The following LYST variants were observed in gnomAD, a reference collection of about 807,000 sequenced individuals.
LYST encodes lysosomal trafficking regulator.
In LYST, 192 loss-of-function variants were observed where a neutral mutation model predicts 413.6. The ratio of observed to expected loss-of-function variants is 0.46; its 90% CI spans 0.41 to 0.52. LYST has a LOEUF of 0.52. Ranked by LOEUF, LYST falls within the 20% of genes least tolerant of loss-of-function variation. The pLI is 0.00. For missense variants in LYST, 3,815 were observed against 4,499.9 expected (o/e 0.85, Z 4.35); for synonymous variants, 1,525 against 1,567.3 (o/e 0.97, Z 0.64).
At chr1:235,817,645 A>G (rs549722252) in intron 3 of LYST, among the ~76,000 whole-genome samples, 2 of 152,172 alleles carry the variant, frequency 1.3e-5, no homozygotes, top group African/African-American at 2.4e-5. Context: ...TTCTCACTTT[A>G]TAAGTGGGAG....
At chr1:235,762,128 A>T (rs1351938824) in intron 22 of LYST, among the ~76,000 whole-genome samples, 2 of 151,172 alleles carry the variant, frequency 1.3e-5, no homozygotes, top group Non-Finnish European at 3.0e-5. Flanking sequence ...TGTAATTATA[A>T]AAAAAAAAGA....
At position 235,773,919 on chromosome 1, in the gene LYST, C is replaced by T. The variant is rs1484438477; in HGVS notation, c.5707G>A (p.Asp1903Asn). Residue 1903 changes from aspartate to asparagine, a missense_variant, in exon 19 of 53, where the codon GAC (aspartate) becomes AAC (asparagine). Physicochemically the swap from Asp to Asn is conservative, Grantham distance 23. Coordinates refer to ENST00000389793, the MANE Select transcript of LYST (RefSeq NM_000081.4). ...NENGEFKLDV[D>N]SNAIIQDVKL... ...ACATCTTGGATTATAGCATTAGAGT[C>T]TACATCCAACTTAAACTCTCCATTC... The T allele has an allele frequency of 5.0e-6, 8 of 1,600,642 alleles. No individual in the cohort carries two copies. The highest frequency in any genetic ancestry group is 6.9e-6 in the Non-Finnish European group (8 of 1,167,872).
rs189700601 is a variant in LYST at position 235,662,693 on chromosome 1, C to A, written c.*247G>T. On this transcript the variant is annotated 3_prime_UTR_variant, in exon 53 of 53. Coordinates refer to ENST00000389793, the MANE Select transcript of LYST (RefSeq NM_000081.4). Reference sequence around the variant, plus strand: ...AAGAATATCATTTTAATGTACCATGCGAGGCTTAAAACTTGTTGGCTAGTG... The same window carrying A: ...AAGAATATCATTTTAATGTACCATGAGAGGCTTAAAACTTGTTGGCTAGTG... 2.1e-4 allele frequency: 109 copies of A among 531,646 alleles called. No individual in the cohort carries two copies. Among genetic ancestry groups the A allele is most frequent in the Non-Finnish European group, 1.2e-4 (34 of 293,498 alleles). 32.9% of individuals were successfully genotyped at this position (531,646 alleles called of 1,614,324 possible).
In LYST at chr1:235,814,557, A is replaced by G. The variant is rs182890563; in HGVS notation, c.193-1496T>C. The stretch of plus-strand genomic sequence containing the variant: ...CAAGGAAGAGACCAGTTCAGGAAAG[A>G]AAGGAGTCAGCAGGGCCAAAGCTGT... On this transcript the variant is annotated intron_variant, in intron 3 of 52. Coordinates refer to ENST00000389793, the MANE Select transcript of LYST (RefSeq NM_000081.4). 1.4e-3 allele frequency among the ~76,000 whole-genome samples: 219 copies of G among 152,332 alleles called. 1 individual carries two copies. Among genetic ancestry groups the G allele is most frequent in the Non-Finnish European group, 2.0e-3 (139 of 68,018 alleles).
Position 235,720,714 on chromosome 1 carries a change from T to A in LYST, c.9507A>T (p.Ile3169=). 2 of 1,613,804 alleles carry A rather than the reference T, an allele frequency of 1.2e-6. No homozygotes were observed. The highest frequency in any genetic ancestry group is 2.7e-5 in the African/African-American group (2 of 75,040). ...GTGTCTCACTAACGTAGTCAGCAAGTATAAATGGGAACACAGGATACTGCA... is the reference window on the plus strand; with the variant it reads ...GTGTCTCACTAACGTAGTCAGCAAGAATAAATGGGAACACAGGATACTGCA... ...DLMQYPVFPF[I]LADYVSETLD... is the part of the protein sequence containing the mutation. The change falls in exon 40 of 53, where the codon ATA becomes ATT. Residue 3169 remains isoleucine, a synonymous_variant. Transcript: ENST00000389793.
intron 48 of LYST, among the ~76,000 whole-genome samples, chr1:235,683,435 G>C (rs1164176535): frequency 6.6e-6 from 1 of 152,184 alleles, no homozygotes; most frequent in Non-Finnish European, 1.5e-5. Context: ...TTTAAAATCA[G>C]TTATCACATT....
rs1678811712 is a variant in LYST, at chr1:235,853,595, A to G, written c.-98+13248T>C. On this transcript the variant is annotated intron_variant, in intron 1 of 52. Transcript: ENST00000389793. ...AGAAAGGTGTACATATTATTTTTTCATATTTCAGGGTGTCAATAAACAACA... is the reference window on the plus strand; with the variant it reads ...AGAAAGGTGTACATATTATTTTTTCGTATTTCAGGGTGTCAATAAACAACA... Among the ~76,000 whole-genome samples, 3 of 151,984 alleles carry G rather than the reference A, an allele frequency of 2.0e-5. No homozygotes were observed. In the South Asian group the frequency reaches 6.2e-4, roughly 32 times the overall value.
In LYST at chr1:235,741,646, A is replaced by G; in HGVS notation, c.8152-18T>C. 1 of 1,580,552 alleles carries G rather than the reference A, an allele frequency of 6.3e-7. No individual in the cohort carries two copies. Among genetic ancestry groups the G allele is most frequent in the Non-Finnish European group, 8.7e-7 (1 of 1,149,922 alleles). ...CTTGAACCCTAAAATCAATCAAGATAGGAATGAATTAGGATCAGACTGCTT... is the reference window on the plus strand; with the variant it reads ...CTTGAACCCTAAAATCAATCAAGATGGGAATGAATTAGGATCAGACTGCTT... On this transcript the variant is annotated intron_variant, in intron 30 of 52. Coordinates refer to ENST00000389793, the MANE Select transcript of LYST (RefSeq NM_000081.4).
chr1:235,765,649 A>G (rs1572189833), intron 21 of LYST, among the ~76,000 whole-genome samples: 1 of 152,186 alleles, frequency 6.6e-6, no homozygotes, highest in East Asian at 1.9e-4. Context: ...TCCTCCCTTT[A>G]AAGTCATTGT....
Position 235,833,635 on chromosome 1 carries a change from G to C in LYST, c.-65C>G, listed in dbSNP as rs1262934210. On this transcript the variant is annotated 5_prime_UTR_variant, in exon 2 of 53. It adds an upstream start codon to the 5' untranslated region. Transcript: ENST00000389793. Reference sequence around the variant, plus strand: ...CTATATCATTTGGACTCATAAACTAGATGAAACAAATATTCTTAGAACAAA... The same window carrying C: ...CTATATCATTTGGACTCATAAACTACATGAAACAAATATTCTTAGAACAAA... 1.1e-6 allele frequency: 1 copy of C among 943,264 alleles called. No individual in the cohort carries two copies. The highest frequency in any genetic ancestry group is 1.3e-6 in the Non-Finnish European group (1 of 791,696). 58.4% of individuals were successfully genotyped at this position (943,264 alleles called of 1,614,324 possible).
At chr1:235,831,298 C>T (rs1675953432) in intron 2 of LYST, among the ~76,000 whole-genome samples, 1 of 152,162 alleles carries the variant, frequency 6.6e-6, no homozygotes, top group African/African-American at 2.4e-5. Flanking sequence ...CCAAGAGGCA[C>T]AGTCAAGCTC....
intron 44 of LYST, among the ~76,000 whole-genome samples, chr1:235,704,750 A>C (rs1341384636): frequency 6.6e-6 from 1 of 152,112 alleles, no homozygotes; most frequent in Non-Finnish European, 1.5e-5. Flanking sequence ...GAAGCTCTTA[A>C]GTTAGATCCC....
intron 1 of LYST, among the ~76,000 whole-genome samples, chr1:235,859,184 C>G (rs1156930003): frequency 1.3e-5 from 2 of 152,158 alleles, no homozygotes. Flanking sequence ...TACATCATTC[C>G]TCTTCTTCAG....
intron 1 of LYST, among the ~76,000 whole-genome samples, chr1:235,878,079 C>T (rs1681218797): frequency 6.6e-6 from 1 of 152,164 alleles, no homozygotes; most frequent in Non-Finnish European, 1.5e-5. Flanking sequence ...TTAAACATGT[C>T]TGGGCCCACT....
At chr1:235,829,410 T>C (rs1675701258) in intron 3 of LYST, 1 of 152,194 alleles carries the variant, frequency 6.6e-6, no homozygotes, top group Admixed American at 6.6e-5. Context: ...CATCTAAAGC[T>C]GGTAACATTC....
intron 20 of LYST, among the ~76,000 whole-genome samples, chr1:235,769,343 A>C (rs1176484442): frequency 6.6e-6 from 1 of 152,064 alleles, no homozygotes; most frequent in Non-Finnish European, 1.5e-5. Context: ...CCATAAGATG[A>C]AGCTAGAATG....
intron 50 of LYST, among the ~76,000 whole-genome samples, chr1:235,671,678 T>C (rs1206670684): frequency 6.6e-6 from 1 of 152,174 alleles, no homozygotes; most frequent in African/African-American, 2.4e-5. Flanking sequence ...TTGGCATGTT[T>C]AAGGAATAAC....
chr1:235,872,420 A>T (rs1680968885), intron 1 of LYST, among the ~76,000 whole-genome samples: 1 of 152,164 alleles, frequency 6.6e-6, no homozygotes, highest in Admixed American at 6.5e-5. Flanking sequence ...ACAGCACTGT[A>T]GACATGTGAT....
Position 235,755,388 on chromosome 1 carries a change from CAAAAGAAAAGAAAAG to C in LYST, c.7229+75_7229+89del, listed in dbSNP as rs71174459. On this transcript the variant is annotated intron_variant, in intron 25 of 52. Coordinates refer to ENST00000389793, the MANE Select transcript of LYST (RefSeq NM_000081.4). ...TGGGCAACAGGGCGAGACTCCGTCT[CAAAAGAAAAGAAAAG>C]AAAAGAAAAGAAAAGAAAAGAAAAG... 2.1e-3 allele frequency: 1,823 copies of C among 867,232 alleles called. 15 individuals are homozygous for C. Among genetic ancestry groups the C allele is most frequent in the African/African-American group, 0.019 (1,070 of 56,344 alleles). The allele number at this position is 867,232 out of a possible 1,614,324, so 53.7% of individuals were successfully genotyped here. A position where few individuals can be genotyped will look rare whatever the true frequency, so the allele number is the denominator to read the frequency against.
Sources: gnomAD v4.1 joint callset for allele counts (sites outside exome capture counted in the v4.1 genomes callset) on GRCh38, gnomAD v4.1.1 for gene constraint, MANE v1.5 for transcripts, NCBI Gene and HGNC (gene_info 2026-07-23, HGNC 2026-07-21) for gene names.